The following SAMD12 variants were observed in gnomAD, a reference collection of about 807,000 sequenced individuals.
The protein encoded by SAMD12 is sterile alpha motif domain-containing protein 12.
SAMD12 carries 9 observed loss-of-function variants against 15.0 expected under a neutral mutation model. The ratio of observed to expected loss-of-function variants is 0.60; its 90% CI spans 0.36 to 1.05. SAMD12 has a LOEUF of 1.05. Among genes scored for constraint, SAMD12 ranks in the 50% least tolerant of loss-of-function variants. SAMD12 has a pLI of 0.01. For missense variants in SAMD12, 230 were observed against 234.2 expected, an observed-to-expected ratio of 0.98 and a Z score of 0.12; for synonymous variants, 86 against 90.1, an observed-to-expected ratio of 0.96 and a Z score of 0.25.
At chr8:118,151,278 C>T in the SAMD12 span, among the ~76,000 whole-genome samples, 4 of 151,780 alleles carry the variant, frequency 2.6e-5, no homozygotes, top group Non-Finnish European at 4.4e-5. Context: ...GTTTCTTGTA[C>T]GTGAGTTTTA....
intron 4 of SAMD12, among the ~76,000 whole-genome samples, chr8:118,215,791 A>G (rs1811945497): frequency 6.6e-6 from 1 of 152,220 alleles, no homozygotes; most frequent in Non-Finnish European, 1.5e-5. Flanking sequence ...AAAGGACATG[A>G]ACTCATTACT....
chr8:118,309,224 T>G (rs1019049448), intron 4 of SAMD12, among the ~76,000 whole-genome samples: 1 of 152,206 alleles, frequency 6.6e-6, no homozygotes, highest in Non-Finnish European at 1.5e-5. Context: ...CTCCCACTTA[T>G]GAGTGAGAAC....
At chr8:118,491,198 C>T (rs1166434963) in intron 2 of SAMD12, among the ~76,000 whole-genome samples, 2 of 152,198 alleles carry the variant, frequency 1.3e-5, no homozygotes, top group Non-Finnish European at 2.9e-5. Context: ...TTCTTTCTCA[C>T]TTTCCAAATC....
At chr8:118,497,731 G>T (rs1824662654) in intron 2 of SAMD12, among the ~76,000 whole-genome samples, 1 of 111,688 alleles carries the variant, frequency 9.0e-6, no homozygotes, top group Non-Finnish European at 1.8e-5. Context: ...TGCGGGGGGG[G>T]GTGGGGGGAA....
chr8:118,399,698 A>G (rs1038026712), intron 3 of SAMD12, among the ~76,000 whole-genome samples: 13 of 152,154 alleles, frequency 8.5e-5, no homozygotes, highest in Non-Finnish European at 1.6e-4. Context: ...AGTATTGAAC[A>G]TGAGGACACC....
At chr8:118,133,520 T>C in the SAMD12 span, among the ~76,000 whole-genome samples, 1 of 152,146 alleles carries the variant, frequency 6.6e-6, no homozygotes, top group Non-Finnish European at 1.5e-5. Flanking sequence ...ATCTTCTTAA[T>C]CCCGAGATGG....
At chr8:118,350,299 A>G (rs143977823) in intron 4 of SAMD12, among the ~76,000 whole-genome samples, 384 of 152,314 alleles carry the variant, frequency 2.5e-3, no homozygotes, top group African/African-American at 8.9e-3. Context: ...AGCTGCTTCA[A>G]TCACAGCATT....
chr8:118,428,410 C>G (rs73311796), intron 3 of SAMD12, among the ~76,000 whole-genome samples: 4,328 of 70,782 alleles, frequency 0.061, 205 homozygotes, highest in African/African-American at 0.13. Flanking sequence ...AAAACAATAA[C>G]AAAGAAAGAA....
intron 4 of SAMD12, among the ~76,000 whole-genome samples, chr8:118,352,239 G>C (rs1441855110): frequency 1.3e-5 from 2 of 152,202 alleles, no homozygotes; most frequent in African/African-American, 2.4e-5. Context: ...CAGGAAGAGG[G>C]AGTGGATTTA....
At chr8:118,336,328 A>G (rs954390220) in intron 4 of SAMD12, among the ~76,000 whole-genome samples, 7 of 152,220 alleles carry the variant, frequency 4.6e-5, no homozygotes, top group South Asian at 2.1e-4. Context: ...TAGGTCATAC[A>G]TGGTTTTACC....
intron 3 of SAMD12, among the ~76,000 whole-genome samples, chr8:118,407,444 C>G (rs980973824): frequency 6.6e-6 from 1 of 152,084 alleles, no homozygotes; most frequent in Admixed American, 6.6e-5. Context: ...TTTTCATATG[C>G]AGGTAACACT....
At chr8:118,524,864 C>G (rs1311605720) in intron 2 of SAMD12, among the ~76,000 whole-genome samples, 1 of 152,194 alleles carries the variant, frequency 6.6e-6, no homozygotes, top group African/African-American at 2.4e-5. Flanking sequence ...TGGGTCACCA[C>G]TCTCCTGTGG....
intron 2 of SAMD12, among the ~76,000 whole-genome samples, chr8:118,572,441 G>A (rs947966325): frequency 2.0e-5 from 3 of 152,120 alleles, no homozygotes; most frequent in Non-Finnish European, 4.4e-5. Flanking sequence ...GAGGGGCCAG[G>A]GGCAGGATGA....
chr8:118,160,658 C>T, the SAMD12 span, among the ~76,000 whole-genome samples: 104 of 152,274 alleles, frequency 6.8e-4, no homozygotes, highest in Non-Finnish European at 1.2e-3. Flanking sequence ...TTTTGGTCTA[C>T]CTTGAGCCAT....
At chr8:118,341,359 A>T (rs1458744526) in intron 4 of SAMD12, among the ~76,000 whole-genome samples, 4 of 152,204 alleles carry the variant, frequency 2.6e-5, no homozygotes, top group Non-Finnish European at 4.4e-5. Flanking sequence ...AGAGGAGCAT[A>T]CCTAGACCCC....
chr8:118,529,692 G>T (rs372889204), intron 2 of SAMD12, among the ~76,000 whole-genome samples: 1 of 152,108 alleles, frequency 6.6e-6, no homozygotes, highest in East Asian at 1.9e-4. Flanking sequence ...ATGGCTTCCA[G>T]TTCCATTCAT....
chr8:118,609,199 A>G (rs1441678464), intron 1 of SAMD12, among the ~76,000 whole-genome samples: 2 of 152,232 alleles, frequency 1.3e-5, no homozygotes, highest in African/African-American at 2.4e-5. Context: ...GGTGGGCTAC[A>G]TCAAGGAACA....
chr8:118,415,448 G>GGTAGGTGT (rs1554658044), intron 3 of SAMD12, among the ~76,000 whole-genome samples: 1 of 142,858 alleles, frequency 7.0e-6, no homozygotes, highest in Non-Finnish European at 1.5e-5. Flanking sequence ...CTTGTCCTAA[G>GGTAGGTGT]GTGTGTGTGT....
chr8:118,497,419 A>C (rs1163239270), intron 2 of SAMD12, among the ~76,000 whole-genome samples: 1 of 152,216 alleles, frequency 6.6e-6, no homozygotes, highest in African/African-American at 2.4e-5. Flanking sequence ...CTTTGCAGTA[A>C]CATGAATGCA....
Sources: gnomAD v4.1 joint callset for allele counts (sites outside exome capture counted in the v4.1 genomes callset) on GRCh38, gnomAD v4.1.1 for gene constraint, MANE v1.5 for transcripts, NCBI Gene and HGNC (gene_info 2026-07-23, HGNC 2026-07-21) for gene names.